Variants in RCAN3 observed in about 807,000 individuals in gnomAD.
RCAN3 encodes calcipressin-3.
In RCAN3, 19 loss-of-function variants were observed where a neutral mutation model predicts 21.9. That is an observed-to-expected ratio of 0.87 (90% CI 0.61 to 1.27). The LOEUF (loss-of-function observed/expected upper bound fraction) is 1.27. Among genes scored for constraint, RCAN3 ranks in the 50% most tolerant of loss-of-function variants. The probability of loss-of-function intolerance (pLI) is 0.00; values close to 1 mark genes in which losing one functional copy is unlikely to be tolerated. For synonymous variants in RCAN3, 114 were observed against 112.3 expected (o/e 1.01, Z -0.09); for missense variants, 240 against 300.1 (o/e 0.80, Z 1.48).
intron 1 of RCAN3, among the ~76,000 whole-genome samples, chr1:24,513,645 C>T (rs985620118): frequency 1.3e-5 from 2 of 152,134 alleles, no homozygotes; most frequent in Non-Finnish European, 2.9e-5. Context: ...CAACACAACA[C>T]GACTCCATCT....
chr1:24,511,356 A>G (rs757339532), intron 1 of RCAN3, among the ~76,000 whole-genome samples: 3 of 152,180 alleles, frequency 2.0e-5, no homozygotes, highest in Non-Finnish European at 4.4e-5. Flanking sequence ...CATCCACAGC[A>G]TGTATTGGTT....
chr1:24,507,883 T>C (rs941817964), intron 1 of RCAN3, among the ~76,000 whole-genome samples: 1 of 152,244 alleles, frequency 6.6e-6, no homozygotes, highest in African/African-American at 2.4e-5. Flanking sequence ...GAGACCAGCC[T>C]GACCAACATG....
intron 1 of RCAN3, among the ~76,000 whole-genome samples, chr1:24,510,656 C>T (rs919809978): frequency 2.6e-4 from 39 of 152,160 alleles, no homozygotes; most frequent in Non-Finnish European, 2.9e-5. Flanking sequence ...TCAGACTTTT[C>T]GTATCAGCGA....
intron 2 of RCAN3, among the ~76,000 whole-genome samples, chr1:24,529,550 C>CT (rs35257073): frequency 0.44 from 39,672 of 89,504 alleles, 10,219 homozygotes; most frequent in East Asian, 0.68. Flanking sequence ...CTCTGTCTCT[C>CT]TTTTTTTTTT....
chr1:24,530,286 T>C (rs1036211587), intron 2 of RCAN3, among the ~76,000 whole-genome samples: 6 of 145,484 alleles, frequency 4.1e-5, no homozygotes, highest in African/African-American at 1.6e-4. Flanking sequence ...ACCCTAGAGG[T>C]TGAGGCTGCA....
chr1:24,529,638 CT>C (rs1649588864), intron 2 of RCAN3, among the ~76,000 whole-genome samples: 1 of 149,722 alleles, frequency 6.7e-6, no homozygotes, highest in Non-Finnish European at 1.5e-5. Flanking sequence ...GCAACCTCCG[CT>C]TCCCAGGTTC....
chr1:24,521,949 G>A (rs761451365), intron 2 of RCAN3, among the ~76,000 whole-genome samples: 1 of 152,088 alleles, frequency 6.6e-6, no homozygotes, highest in Non-Finnish European at 1.5e-5. Context: ...TTGAGAGCTT[G>A]TATGGGATGA....
intron 2 of RCAN3, among the ~76,000 whole-genome samples, chr1:24,518,808 C>T (rs368797778): frequency 1.3e-5 from 2 of 152,042 alleles, no homozygotes; most frequent in East Asian, 1.9e-4. Context: ...GAGTCTCACT[C>T]TGTCACCCAG....
rs541665848 is a variant in RCAN3, at chr1:24,528,179, G to A, written c.196-3039G>A. On this transcript the variant is annotated intron_variant, in intron 2 of 4. Coordinates refer to ENST00000374395, the MANE Select transcript of RCAN3 (RefSeq NM_013441.4). ...GGCATCTTTAAAGAAGTTGCCAAAC[G>A]TACATTAGCATCTTTCATGGGAATT... 6.1e-5 allele frequency among the ~76,000 whole-genome samples: 9 copies of A among 148,690 alleles called. No individual in the cohort carries two copies. The South Asian group carries it at 1.5e-3, about 24-fold the overall frequency.
rs935357337 is a variant in RCAN3, at chr1:24,540,973, G to A, written c.*5696G>A. On this transcript the variant is annotated 3_prime_UTR_variant, in exon 5 of 5. Coordinates refer to ENST00000374395, the MANE Select transcript of RCAN3 (RefSeq NM_013441.4). ...AATGTAATTTTTTTTTGGAAGCTTC[G>A]TGATTACCTGTAACAAGTTCTGTTT... The A allele has an allele frequency of 6.6e-5, 10 of 152,188 alleles. No homozygotes were observed. Among genetic ancestry groups the A allele is most frequent in the East Asian group, 5.8e-4 (3 of 5,190 alleles). 9.4% of individuals were successfully genotyped at this position (152,188 alleles called of 1,614,324 possible). A position where few individuals can be genotyped will look rare whatever the true frequency, so the allele number is the denominator to read the frequency against.
intron 4 of RCAN3, 28 bp from the exon 5 acceptor site, chr1:24,535,065 G>A (rs1650118000): frequency 6.3e-7 from 1 of 1,585,948 alleles, no homozygotes; most frequent in South Asian, 1.2e-5. Flanking sequence ...TGATGCTTTT[G>A]TCATGGTTAT....
chr1:24,515,610 C>T (rs1648253818), intron 2 of RCAN3, among the ~76,000 whole-genome samples: 1 of 152,062 alleles, frequency 6.6e-6, no homozygotes, highest in Non-Finnish European at 1.5e-5. Flanking sequence ...AGTTTTCAGC[C>T]GATGTACCCA....
intron 2 of RCAN3, among the ~76,000 whole-genome samples, chr1:24,518,926 A>C (rs565227117): frequency 1.3e-5 from 2 of 152,156 alleles, no homozygotes; most frequent in Non-Finnish European, 1.5e-5. Context: ...GGCATCCACC[A>C]CCATGCTCGG....
chr1:24,531,275 A>G lies in RCAN3; in HGVS notation c.253A>G (p.Lys85Glu), dbSNP rs555532587. 4 of 1,613,382 alleles carry G rather than the reference A, an allele frequency of 2.5e-6. No individual in the cohort carries two copies. The East Asian group carries it at 6.7e-5, about 27-fold the overall frequency. The change falls in exon 3 of 5, where the codon AAA becomes GAA. Residue 85 changes from lysine (K) to glutamate (E), a missense_variant. Physicochemically the swap from Lys to Glu is moderately conservative, Grantham distance 56 (BLOSUM62 1). Transcript: ENST00000374395. ...YDDQVTFQLF[K>E]SFRRVRINFS... ...TGACCAGGTTACTTTTCAGCTGTTT[A>G]AAAGCTTTAGAAGAGTCAGAATAAA...
In RCAN3 at chr1:24,535,224, G is replaced by C; in HGVS notation, c.673G>C (p.Asp225His). Residue 225 changes from aspartate (D) to histidine (H), a missense_variant, in exon 5 of 5, where the codon GAC becomes CAC. Coordinates refer to ENST00000374395, the MANE Select transcript of RCAN3 (RefSeq NM_013441.4). ...GAAAATTGCCCAGACGAGGCGCCCC[G>C]ACCCTCCGACCGCAGCGTTGAATGA... The part of the protein sequence containing the change: ...KQKIAQTRRP[D>H]PPTAALNEPQ... The C allele has an allele frequency of 2.5e-6, 4 of 1,583,886 alleles. No individual in the cohort carries two copies. Among genetic ancestry groups the C allele is most frequent in the Non-Finnish European group, 2.6e-6 (3 of 1,170,026 alleles).
chr1:24,519,959 T>C (rs1266241740), intron 2 of RCAN3, among the ~76,000 whole-genome samples: 2 of 152,222 alleles, frequency 1.3e-5, no homozygotes, highest in African/African-American at 4.8e-5. Flanking sequence ...TTCTGTACCT[T>C]CCATTTAAAG....
At chr1:24,527,490 C>T (rs1236017629) in intron 2 of RCAN3, among the ~76,000 whole-genome samples, 1 of 151,606 alleles carries the variant, frequency 6.6e-6, no homozygotes, top group Non-Finnish European at 1.5e-5. Flanking sequence ...GATGTTTCCT[C>T]AATAATGAAG....
At chr1:24,506,925 C>G (rs555236404) in intron 1 of RCAN3, among the ~76,000 whole-genome samples, 17 of 152,152 alleles carry the variant, frequency 1.1e-4, no homozygotes, top group African/African-American at 4.1e-4. Flanking sequence ...TTACCAGCCT[C>G]CAAAAACCCG....
rs889561607 is a variant in RCAN3 at position 24,540,488 on chromosome 1, C to G, written c.*5211C>G. Reference sequence around the variant, plus strand: ...AATACATGTTTTTAAATACTGTTTTCTGTTTAGTCCTCAATCTTCCTAACT... The same window carrying G: ...AATACATGTTTTTAAATACTGTTTTGTGTTTAGTCCTCAATCTTCCTAACT... On this transcript the variant is annotated 3_prime_UTR_variant, in exon 5 of 5. Coordinates refer to ENST00000374395, the MANE Select transcript of RCAN3 (RefSeq NM_013441.4). 6.6e-6 allele frequency: 1 copy of G among 152,142 alleles called. No homozygotes were observed. The highest frequency in any genetic ancestry group is 2.4e-5 in the African/African-American group (1 of 41,422). 9.4% of individuals were successfully genotyped at this position (152,142 alleles called of 1,614,324 possible). A position where few individuals can be genotyped will look rare whatever the true frequency, so the allele number is the denominator to read the frequency against.
Sources: gnomAD v4.1 joint callset for allele counts (sites outside exome capture counted in the v4.1 genomes callset) on GRCh38, gnomAD v4.1.1 for gene constraint, MANE v1.5 for transcripts, NCBI Gene and HGNC (gene_info 2026-07-23, HGNC 2026-07-21) for gene names.